The following SSPN variants were observed in gnomAD, a reference collection of about 807,000 sequenced individuals.
SSPN encodes the protein K-ras oncogene-associated protein.
A neutral mutation model predicts 19.1 loss-of-function variants in SSPN; 15 were observed. That is an observed-to-expected ratio of 0.78 (90% CI 0.52 to 1.21). The LOEUF (loss-of-function observed/expected upper bound fraction) is 1.21. SSPN is among the 50% of genes most tolerant of loss of function. SSPN has a pLI of 0.00. For synonymous variants in SSPN, 147 were observed against 140.3 expected (o/e 1.05, Z -0.34); for missense variants, 291 against 314.0 (o/e 0.93, Z 0.55).
chr12:26,159,231 G>A lies in SSPN; in HGVS notation c.-31+37079G>A, dbSNP rs117008013. Among the ~76,000 whole-genome samples, 44 of 152,346 alleles carry A rather than the reference G, an allele frequency of 2.9e-4. No individual in the cohort carries two copies. In the East Asian group the frequency reaches 6.6e-3, roughly 23 times the overall value. On this transcript the variant is annotated intron_variant, in intron 1 of 2. Coordinates refer to the SSPN transcript ENST00000538142. ...TGTGACCCTGCTGGGACATGTCCTG[G>A]GCAGAAGAAGGGGTCATCTAAGGCC...
intron 1 of SSPN, among the ~76,000 whole-genome samples, chr12:26,182,589 C>CTTCCCTTCCA (rs1565680298): frequency 2.9e-5 from 1 of 34,166 alleles, no homozygotes; most frequent in Non-Finnish European, 8.8e-5. Context: ...TTCCCCTTCC[C>CTTCCCTTCCA]TTCCCTTCCC....
rs1347677311 is a variant in SSPN at position 26,233,037 on chromosome 12, T to G, written c.*1961T>G. On this transcript the variant is annotated 3_prime_UTR_variant, in exon 3 of 3. Transcript: ENST00000242729. This position sits in a 1 kb window ranked among gnomAD's most constrained non-coding sequence, Gnocchi z 4.3. ...TAACTGAGAATCTGGAATGTTGTAG[T>G]CCATCCTTTAAAGAGTAAGAAAGTA... 6.6e-6 allele frequency: 1 copy of G among 151,550 alleles called. No homozygotes were observed. Among genetic ancestry groups the G allele is most frequent in the East Asian group, 1.9e-4 (1 of 5,176 alleles). The allele number at this position is 151,550 out of a possible 1,614,324, so 9.4% of individuals were successfully genotyped here.
chr12:26,152,804 TAGA>T (rs1944533268), intron 1 of SSPN, among the ~76,000 whole-genome samples: 4 of 152,242 alleles, frequency 2.6e-5, no homozygotes, highest in South Asian at 4.1e-4. Flanking sequence ...CTGTTGTTCC[TAGA>T]AGAAGACTCA....
chr12:26,145,054 C>T (rs1334156789), intron 1 of SSPN, among the ~76,000 whole-genome samples: 1 of 152,200 alleles, frequency 6.6e-6, no homozygotes, highest in Non-Finnish European at 1.5e-5. Context: ...TTCACATTAG[C>T]TGAAGCAGTG....
intron 1 of SSPN, among the ~76,000 whole-genome samples, chr12:26,171,064 C>T (rs946586334): frequency 1.3e-5 from 2 of 152,048 alleles, no homozygotes; most frequent in African/African-American, 4.8e-5. Flanking sequence ...AGATTCAAAC[C>T]CTTCCCTTTA....
intron 1 of SSPN, among the ~76,000 whole-genome samples, chr12:26,164,964 G>A (rs1036403630): frequency 9.2e-5 from 14 of 152,114 alleles, no homozygotes; most frequent in Non-Finnish European, 1.3e-4. Flanking sequence ...TAGCATTGGC[G>A]TTAGCTTGTA....
At chr12:26,183,485 C>T (rs1238922901) in intron 1 of SSPN, among the ~76,000 whole-genome samples, 2 of 152,214 alleles carry the variant, frequency 1.3e-5, no homozygotes, top group African/African-American at 4.8e-5. Context: ...ATATGGAAAT[C>T]TGATCCAGAG....
chr12:26,123,044 C>T (rs886684853), intron 1 of SSPN: 8 of 1,578,428 alleles, frequency 5.1e-6, no homozygotes, highest in Non-Finnish European at 5.2e-6. Context: ...GGACACACCG[C>T]GGCTCCCTGG....
chr12:26,150,206 C>T (rs769795972), intron 1 of SSPN, among the ~76,000 whole-genome samples: 7 of 152,140 alleles, frequency 4.6e-5, no homozygotes, highest in Non-Finnish European at 8.8e-5. Context: ...GGTTTGACTC[C>T]GGAGCAGCTT....
chr12:26,184,413 T>C (rs1016812856), intron 1 of SSPN, among the ~76,000 whole-genome samples: 3 of 152,168 alleles, frequency 2.0e-5, no homozygotes, highest in African/African-American at 7.2e-5. Flanking sequence ...AAATAATAAC[T>C]GATGTGACAC....
intron 2 of SSPN, among the ~76,000 whole-genome samples, chr12:26,225,712 G>T (rs17381533): frequency 0.54 from 80,170 of 147,296 alleles, 22,147 homozygotes; most frequent in East Asian, 0.81. Flanking sequence ...TATTTGTTTG[G>T]AGAGGTTTGA....
At chr12:26,192,697 T>C (rs7953744), upstream of SSPN, among the ~76,000 whole-genome samples, 63,733 of 152,128 alleles carry the variant, frequency 0.42, 15,493 homozygotes, top group Admixed American at 0.59. Context: ...CACCAAAGGC[T>C]GAAAATTGTA....
At chr12:26,130,035 C>T (rs867537234) in intron 1 of SSPN, among the ~76,000 whole-genome samples, 1 of 152,102 alleles carries the variant, frequency 6.6e-6, no homozygotes, top group Non-Finnish European at 1.5e-5. Flanking sequence ...TCATGGTGCC[C>T]ATGTGCTTCT....
upstream of SSPN, among the ~76,000 whole-genome samples, chr12:26,191,591 A>G (rs1944788001): frequency 6.6e-6 from 1 of 152,202 alleles, no homozygotes; most frequent in South Asian, 2.1e-4. Context: ...TTCTGCTGAG[A>G]AAAAAATTAA....
At chr12:26,153,203 G>A (rs1436191012) in intron 1 of SSPN, among the ~76,000 whole-genome samples, 4 of 152,144 alleles carry the variant, frequency 2.6e-5, no homozygotes, top group Non-Finnish European at 4.4e-5. Flanking sequence ...TTGTTAAATG[G>A]AAGTGCTGTA....
intron 1 of SSPN, among the ~76,000 whole-genome samples, chr12:26,215,562 C>T (rs1945038910): frequency 6.6e-6 from 1 of 152,148 alleles, no homozygotes. Flanking sequence ...TGAAATCAGC[C>T]ATGGTAGAAG....
intron 1 of SSPN, among the ~76,000 whole-genome samples, chr12:26,208,560 G>GA (rs928229326): frequency 6.4e-4 from 97 of 151,742 alleles, no homozygotes; most frequent in Admixed American, 2.0e-3. Flanking sequence ...GTTTTGTTAT[G>GA]AAAAAAGATT....
At chr12:26,212,979 T>G (rs1324159896) in intron 1 of SSPN, among the ~76,000 whole-genome samples, 1 of 152,020 alleles carries the variant, frequency 6.6e-6, no homozygotes, top group East Asian at 1.9e-4. Context: ...TGCCGTAAAC[T>G]CTTCGCTTTA....
chr12:26,204,918 C>T (rs1338858317), intron 1 of SSPN, among the ~76,000 whole-genome samples: 8 of 152,172 alleles, frequency 5.3e-5, no homozygotes, highest in Non-Finnish European at 4.4e-5. Flanking sequence ...ACTGTAAGCT[C>T]TCCAGTTTGA....
Sources: allele counts gnomAD v4.1 joint callset (sites outside exome capture counted in the v4.1 genomes callset), GRCh38; gene constraint gnomAD v4.1.1; non-coding constraint Gnocchi (gnomAD v3.1); transcripts MANE v1.5; gene names NCBI Gene and HGNC (gene_info 2026-07-23, HGNC 2026-07-21).